EPB41L4A: variants seen among roughly 807,000 people sequenced by gnomAD.
EPB41L4A encodes erythrocyte membrane protein band 4.1 like 4A, also known as band 4.1-like protein 4A.
In EPB41L4A, 100 loss-of-function variants were observed where a neutral mutation model predicts 108.6. That is an observed-to-expected ratio of 0.92 (90% CI 0.78 to 1.09). The LOEUF is 1.09. Among genes scored for constraint, EPB41L4A ranks in the 50% least tolerant of loss-of-function variants. EPB41L4A has a pLI of 0.00. For synonymous variants in EPB41L4A, 319 were observed against 289.0 expected (o/e 1.10, Z -1.05); for missense variants, 1,030 against 842.7 (o/e 1.22, Z -2.75).
intron 13 of EPB41L4A, among the ~76,000 whole-genome samples, chr5:112,144,274 A>G (rs76564228): frequency 0.16 from 24,408 of 152,148 alleles, 2,221 homozygotes; most frequent in African/African-American, 0.25. Context: ...TTGGTGTTCT[A>G]GACACTGAGA....
intron 1 of EPB41L4A, among the ~76,000 whole-genome samples, chr5:112,355,764 A>G (rs6594591): frequency 0.87 from 132,862 of 152,172 alleles, 58,127 homozygotes; most frequent in South Asian, 0.96. Flanking sequence ...AGATCTTAGA[A>G]CTGGAAACAA....
At chr5:112,302,848 T>C (rs1754453080) in intron 2 of EPB41L4A, among the ~76,000 whole-genome samples, 1 of 152,184 alleles carries the variant, frequency 6.6e-6, no homozygotes, top group Non-Finnish European at 1.5e-5. Context: ...TTCGGTGCTA[T>C]GGGGCCCCCT....
intron 6 of EPB41L4A, among the ~76,000 whole-genome samples, 180 bp from the exon 7 acceptor site, chr5:112,262,761 G>A (rs1388038684): frequency 6.6e-6 from 1 of 152,158 alleles, no homozygotes; most frequent in Non-Finnish European, 1.5e-5. Context: ...ATACTCTGAA[G>A]TGATACTTAT....
At chr5:112,309,914 G>A (rs1754940806) in intron 1 of EPB41L4A, among the ~76,000 whole-genome samples, 1 of 152,204 alleles carries the variant, frequency 6.6e-6, no homozygotes, top group Non-Finnish European at 1.5e-5. Flanking sequence ...CTAACAGCCA[G>A]CAAAGAGATG....
intron 18 of EPB41L4A, among the ~76,000 whole-genome samples, chr5:112,179,907 G>C (rs547233321): frequency 2.0e-5 from 3 of 152,062 alleles, no homozygotes; most frequent in African/African-American, 7.2e-5. Context: ...GCAGAAAATC[G>C]TAAGAAACTG....
At chr5:112,393,727 C>T (rs1761120385) in intron 1 of EPB41L4A, among the ~76,000 whole-genome samples, 2 of 152,120 alleles carry the variant, frequency 1.3e-5, no homozygotes, top group South Asian at 2.1e-4. Flanking sequence ...GGATTCCTCC[C>T]TAACTCATTT....
chr5:112,291,178 C>G (rs1274114491), intron 2 of EPB41L4A, among the ~76,000 whole-genome samples: 1 of 152,184 alleles, frequency 6.6e-6, no homozygotes, highest in African/African-American at 2.4e-5. Flanking sequence ...GAAATGTACA[C>G]AGAGCCTACA....
At chr5:112,322,493 C>G (rs1052866647) in intron 1 of EPB41L4A, among the ~76,000 whole-genome samples, 22 of 152,140 alleles carry the variant, frequency 1.4e-4, no homozygotes, top group African/African-American at 4.3e-4. Flanking sequence ...TTAAAGTTCC[C>G]TAAAGTGCCC....
chr5:112,360,727 G>A (rs1189046379), intron 1 of EPB41L4A, among the ~76,000 whole-genome samples: 1 of 152,196 alleles, frequency 6.6e-6, no homozygotes, highest in Non-Finnish European at 1.5e-5. Flanking sequence ...TCTCTGCCCG[G>A]CTGCCCAGTC....
chr5:112,240,543 T>C (rs1201899606), intron 10 of EPB41L4A, among the ~76,000 whole-genome samples, 176 bp downstream of exon 10: 2 of 152,234 alleles, frequency 1.3e-5, no homozygotes, highest in African/African-American at 4.8e-5. Context: ...TATATATATC[T>C]ACACATACAT....
chr5:112,390,129 G>A (rs982277408), intron 1 of EPB41L4A, among the ~76,000 whole-genome samples: 3 of 152,090 alleles, frequency 2.0e-5, no homozygotes, highest in Admixed American at 1.3e-4. Flanking sequence ...CAGCGTGATC[G>A]ACACAGAAGA....
intron 2 of EPB41L4A, among the ~76,000 whole-genome samples, chr5:112,282,123 T>C (rs1348521461): frequency 1.3e-5 from 2 of 152,224 alleles, no homozygotes; most frequent in African/African-American, 4.8e-5. Context: ...GTCAGTGAAA[T>C]GCTCTTGGAG....
intron 17 of EPB41L4A, among the ~76,000 whole-genome samples, chr5:112,186,323 G>T (rs972441637): frequency 6.6e-6 from 1 of 152,146 alleles, no homozygotes; most frequent in Non-Finnish European, 1.5e-5. Context: ...CACAGTTACT[G>T]TATGTTCATT....
intron 1 of EPB41L4A, among the ~76,000 whole-genome samples, chr5:112,386,642 GT>G (rs1299405251): frequency 6.6e-6 from 1 of 152,152 alleles, no homozygotes; most frequent in Non-Finnish European, 1.5e-5. Flanking sequence ...ATAGAAGAAA[GT>G]TTTAAATGAA....
At chr5:112,153,432 G>A (rs981335541) in intron 12 of EPB41L4A, among the ~76,000 whole-genome samples, 3 of 151,726 alleles carry the variant, frequency 2.0e-5, no homozygotes, top group African/African-American at 7.3e-5. Flanking sequence ...GGGAGGCTGA[G>A]GCAGGAGAAT....
chr5:112,195,561 T>TA (rs1188235548), intron 16 of EPB41L4A, 100 bp downstream of exon 16: 323 of 992,540 alleles, frequency 3.3e-4, no homozygotes, highest in Non-Finnish European at 4.1e-4. Context: ...GTAAAAAAAA[T>TA]AAAAAAAAAT....
At chr5:112,144,746 A>T (rs1446179104) in intron 13 of EPB41L4A, among the ~76,000 whole-genome samples, 2 of 152,204 alleles carry the variant, frequency 1.3e-5, no homozygotes, top group African/African-American at 4.8e-5. Flanking sequence ...ATCCCAGGTG[A>T]TAGACATTGG....
At chr5:112,355,822 C>G (rs1758328196) in intron 1 of EPB41L4A, among the ~76,000 whole-genome samples, 1 of 152,122 alleles carries the variant, frequency 6.6e-6, no homozygotes, top group South Asian at 2.1e-4. Context: ...CTCAGAGAAT[C>G]CTTACTTTTC....
At chr5:112,289,778 G>A (rs1391484013) in intron 2 of EPB41L4A, among the ~76,000 whole-genome samples, 1 of 152,182 alleles carries the variant, frequency 6.6e-6, no homozygotes, top group African/African-American at 2.4e-5. Context: ...ACACTAAGTA[G>A]AACAGACATG....
Sources: gnomAD v4.1 joint callset for allele counts (sites outside exome capture counted in the v4.1 genomes callset) on GRCh38, gnomAD v4.1.1 for gene constraint, MANE v1.5 for transcripts, NCBI Gene and HGNC (gene_info 2026-07-23, HGNC 2026-07-21) for gene names.